The following SIK3 variants were observed in gnomAD, a reference collection of about 807,000 sequenced individuals.
SIK3 encodes the protein SIK family kinase 3.
In SIK3, 28 loss-of-function variants were observed where a neutral mutation model predicts 144.2. The observed-to-expected ratio is 0.19, with a 90% CI of 0.14 to 0.27. The LOEUF (loss-of-function observed/expected upper bound fraction) is 0.27, where lower values mean the gene tolerates loss of function less well. Ranked by LOEUF, SIK3 falls within the 10% of genes least tolerant of loss-of-function variation. The pLI is 1.00. For synonymous variants in SIK3, 686 were observed against 676.3 expected (o/e 1.01, Z -0.22); for missense variants, 1,319 against 1,776.0 (o/e 0.74, Z 4.62).
At position 116,858,804 on chromosome 11, in the gene SIK3, G is replaced by C; in HGVS notation, c.2766-105C>G. ...GGAGAACCCACTGGTACAGAGAACT[G>C]TGGTGTGACAGAGAAGTGGCAGATG... is the stretch of plus-strand genomic sequence containing the variant. On this transcript the variant is annotated intron_variant, in intron 20 of 24. Coordinates refer to ENST00000445177, the MANE Select transcript of SIK3 (RefSeq NM_001366686.3). The surrounding 1 kb of genome is among the most constrained non-coding windows in gnomAD (Gnocchi z 5.4). 2.0e-6 allele frequency: 3 copies of C among 1,467,676 alleles called. No homozygotes were observed. Among genetic ancestry groups the C allele is most frequent in the Non-Finnish European group, 2.7e-6 (3 of 1,104,044 alleles). 90.9% of individuals were successfully genotyped at this position (1,467,676 alleles called of 1,614,324 possible).
chr11:116,852,119 G>A (rs1942503661), intron 21 of SIK3, among the ~76,000 whole-genome samples: 1 of 152,238 alleles, frequency 6.6e-6, no homozygotes. Context: ...AAACAGCAAA[G>A]CTAACAAAAT....
At chr11:116,947,570 T>TGTA (rs752553527) in intron 3 of SIK3, among the ~76,000 whole-genome samples, 26 of 14,128 alleles carry the variant, frequency 1.8e-3, no homozygotes, top group African/African-American at 4.7e-3. Context: ...TATGTATGTA[T>TGTA]TTTTTTTTTT....
intron 1 of SIK3, among the ~76,000 whole-genome samples, chr11:117,032,550 T>G (rs1952307893): frequency 6.6e-6 from 1 of 152,226 alleles, no homozygotes; most frequent in East Asian, 1.9e-4. Flanking sequence ...CCCAGGCTCC[T>G]GGCTAGAGTC....
chr11:116,972,419 C>A (rs1949795885), intron 1 of SIK3, among the ~76,000 whole-genome samples: 1 of 152,156 alleles, frequency 6.6e-6, no homozygotes, highest in Non-Finnish European at 1.5e-5. Context: ...AATTTTGAAA[C>A]AAGGAAAACA....
chr11:117,021,774 G>GT (rs1430050474), intron 1 of SIK3, among the ~76,000 whole-genome samples: 2 of 151,318 alleles, frequency 1.3e-5, no homozygotes, highest in Non-Finnish European at 2.9e-5. Flanking sequence ...TCTGGGCAAC[G>GT]TAACAAGACG....
rs566386974 is a variant in SIK3, at chr11:117,027,294, C to T, written c.274-70230G>A. Among the ~76,000 whole-genome samples, 18 of 152,304 alleles carry T rather than the reference C, an allele frequency of 1.2e-4. No homozygotes were observed. In the South Asian group the frequency reaches 3.7e-3, roughly 32 times the overall value. ...CTGGTAGTACACAAGTTTGTCACTG[C>T]TGATCGTTAGAAAAGTCAAACCACA... On this transcript the variant is annotated intron_variant, in intron 1 of 24. Coordinates refer to ENST00000445177, the MANE Select transcript of SIK3 (RefSeq NM_001366686.3).
chr11:117,044,282 T>C (rs1283111571), intron 1 of SIK3, among the ~76,000 whole-genome samples: 1 of 152,210 alleles, frequency 6.6e-6, no homozygotes, highest in Non-Finnish European at 1.5e-5. Context: ...AAAACTATGC[T>C]TCTAAAAAAG....
chr11:116,972,778 C>T (rs1949807982), intron 1 of SIK3, among the ~76,000 whole-genome samples: 1 of 151,662 alleles, frequency 6.6e-6, no homozygotes, highest in South Asian at 2.1e-4. Flanking sequence ...GATGACTGGC[C>T]CCCAATGGTT....
At chr11:117,088,084 A>T (rs1312181458) in intron 1 of SIK3, among the ~76,000 whole-genome samples, 1 of 152,076 alleles carries the variant, frequency 6.6e-6, no homozygotes, top group Non-Finnish European at 1.5e-5. Context: ...AAAATTTTTT[A>T]AAATTAGCTG....
chr11:116,899,329 A>G (rs1229057938), intron 4 of SIK3, among the ~76,000 whole-genome samples: 2 of 151,858 alleles, frequency 1.3e-5, no homozygotes, highest in South Asian at 2.1e-4. Context: ...CCATTGATCT[A>G]TATCTCTGTT....
At chr11:117,031,314 C>A (rs1565576161) in intron 1 of SIK3, among the ~76,000 whole-genome samples, 1 of 150,004 alleles carries the variant, frequency 6.7e-6, no homozygotes, top group Non-Finnish European at 1.5e-5. Flanking sequence ...GATCCACTCT[C>A]AGTTAATTTT....
intron 1 of SIK3, among the ~76,000 whole-genome samples, chr11:117,026,127 T>A (rs541323517): frequency 6.6e-6 from 1 of 152,294 alleles, no homozygotes; most frequent in South Asian, 2.1e-4. Flanking sequence ...AGAGGTCCTG[T>A]AAGATGATAA....
chr11:117,042,434 C>G (rs1034457972), intron 1 of SIK3, among the ~76,000 whole-genome samples: 1 of 152,204 alleles, frequency 6.6e-6, no homozygotes, highest in African/African-American at 2.4e-5. Context: ...TCTTAAAAGT[C>G]AGTGTCTGCA....
In SIK3 at chr11:116,848,760, C is replaced by T. The variant is rs548964808; in HGVS notation, c.3819+360G>A. On this transcript the variant is annotated intron_variant, in intron 22 of 24. Transcript: ENST00000445177. ...GGCGAATTGCCTGAGCTCAGGAATT[C>T]GAGACCAGCCTAGCCAACATGGTAA... is the stretch of plus-strand genomic sequence containing the variant. Among the ~76,000 whole-genome samples the T allele has an allele frequency of 2.0e-5, 3 of 152,232 alleles. No homozygotes were observed. In the East Asian group the frequency reaches 5.8e-4, roughly 29 times the overall value.
intron 1 of SIK3, among the ~76,000 whole-genome samples, chr11:117,005,739 C>T (rs1010062318): frequency 2.2e-4 from 34 of 152,158 alleles, no homozygotes; most frequent in African/African-American, 2.9e-4. Flanking sequence ...TAAAGTATCA[C>T]AAACCCAAAG....
intron 21 of SIK3, among the ~76,000 whole-genome samples, chr11:116,856,407 G>C (rs114466541): frequency 1.8e-3 from 273 of 152,216 alleles, no homozygotes; most frequent in African/African-American, 6.2e-3. Flanking sequence ...GAAATTTGCT[G>C]CAACTTCTAT....
rs552120018 is a variant in SIK3 at position 116,902,464 on chromosome 11, T to C, written c.617-5147A>G. On this transcript the variant is annotated intron_variant, in intron 4 of 24. Coordinates refer to ENST00000445177, the MANE Select transcript of SIK3 (RefSeq NM_001366686.3). ...TGCAGGCTTAGACTGCTAATAGTTA[T>C]AAGGATTTTATATGAGAAATGAGTG... Among the ~76,000 whole-genome samples the C allele has an allele frequency of 2.0e-5, 3 of 152,312 alleles. No individual in the cohort carries two copies. In the South Asian group the frequency reaches 6.2e-4, roughly 32 times the overall value.
chr11:116,943,059 T>C (rs565260196), intron 3 of SIK3, among the ~76,000 whole-genome samples: 1 of 152,182 alleles, frequency 6.6e-6, no homozygotes, highest in East Asian at 1.9e-4. Context: ...TCAGCATATA[T>C]AGTCTTCCCT....
At chr11:116,896,158 G>T in intron 6 of SIK3, 95 bp downstream of exon 6, 1 of 1,521,556 alleles carries the variant, frequency 6.6e-7, no homozygotes, top group Non-Finnish European at 9.0e-7. Flanking sequence ...GGTTGTAAGT[G>T]GGCCATTTAT....
Sources: allele counts gnomAD v4.1 joint callset (sites outside exome capture counted in the v4.1 genomes callset), GRCh38; gene constraint gnomAD v4.1.1; non-coding constraint Gnocchi (gnomAD v3.1); transcripts MANE v1.5; gene names NCBI Gene and HGNC (gene_info 2026-07-23, HGNC 2026-07-21).